The following CLCF1 variants were observed in gnomAD, a reference collection of about 807,000 sequenced individuals.
CLCF1 encodes the protein cardiotrophin-like cytokine factor 1.
Under a neutral mutation model 21.2 loss-of-function variants are expected in CLCF1, and 10 were observed. The ratio of observed to expected loss-of-function variants is 0.47; its 90% CI spans 0.29 to 0.80. The LOEUF (loss-of-function observed/expected upper bound fraction) is 0.80, where lower values mean the gene tolerates loss of function less well. CLCF1 is among the 30% of genes least tolerant of loss of function. The pLI is 0.09. For synonymous variants in CLCF1, 115 were observed against 120.5 expected (o/e 0.95, Z 0.30); for missense variants, 240 against 293.4 (o/e 0.82, Z 1.33).
chr11:67,366,853 C>T (rs1303724907), intron 2 of CLCF1, among the ~76,000 whole-genome samples: 1 of 152,098 alleles, frequency 6.6e-6, no homozygotes, highest in Non-Finnish European at 1.5e-5. Flanking sequence ...GCTCCTCCAA[C>T]CCTCCTTCCT....
At chr11:67,371,122 C>T in intron 1 of CLCF1, 1 of 978,866 alleles carries the variant, frequency 1.0e-6, no homozygotes, top group Non-Finnish European at 1.2e-6. Context: ...TAGGAAACTG[C>T]CCCAGGGGCG....
rs750922975 is a variant in CLCF1, at chr11:67,365,273, T to G, written c.541A>C (p.Lys181Gln). The change falls in exon 3 of 3, where the codon AAG becomes CAG. Residue 181 changes from lysine (K) to glutamine (Q), a missense_variant. Lys to Gln is a moderately conservative substitution (Grantham distance 53, BLOSUM62 1). Transcript: ENST00000312438. This position sits in a 1 kb window ranked among gnomAD's most constrained non-coding sequence, Gnocchi z 5.0. ...PGPAHSDFLQ[K>Q]MDDFWLLKEL... Reference sequence around the variant, plus strand: ...TTCAGCAGCCAGAAGTCGTCCATCTTCTGGAGGAAGTCACTGTGGGCAGGG... The same window carrying G: ...TTCAGCAGCCAGAAGTCGTCCATCTGCTGGAGGAAGTCACTGTGGGCAGGG... The G allele has an allele frequency of 3.1e-6, 5 of 1,613,938 alleles. No homozygotes were observed. Among genetic ancestry groups the G allele is most frequent in the Non-Finnish European group, 3.4e-6 (4 of 1,180,026 alleles).
intron 1 of CLCF1, chr11:67,370,804 C>T: frequency 1.0e-6 from 1 of 985,350 alleles, no homozygotes; most frequent in Non-Finnish European, 1.2e-6. Context: ...TGCAGATGTG[C>T]CAGGGTGCTT....
At position 67,365,770 on chromosome 11, in the gene CLCF1, G is replaced by A; in HGVS notation, c.184-140C>T. On this transcript the variant is annotated intron_variant, in intron 2 of 2. Coordinates refer to ENST00000312438, the MANE Select transcript of CLCF1 (RefSeq NM_013246.3). This position sits in a 1 kb window ranked among gnomAD's most constrained non-coding sequence, Gnocchi z 5.0. The stretch of plus-strand genomic sequence containing the variant: ...CTCCATGCTAGGCTTCTTTGTTCAT[G>A]GCCTCCCTGAGTTTTTCCAATAAGG... The A allele has an allele frequency of 1.5e-6, 2 of 1,302,406 alleles. No individual in the cohort carries two copies. Among genetic ancestry groups the A allele is most frequent in the Non-Finnish European group, 2.1e-6 (2 of 969,686 alleles). The allele number at this position is 1,302,406 out of a possible 1,614,324, so 80.7% of individuals were successfully genotyped here.
chr11:67,370,589 A>G, intron 1 of CLCF1: 17 of 965,932 alleles, frequency 1.8e-5, no homozygotes, highest in Non-Finnish European at 2.1e-5. Flanking sequence ...CCTGGGCCCT[A>G]GGAACCAAGG....
At chr11:67,366,425 C>T (rs2134876922) in intron 2 of CLCF1, among the ~76,000 whole-genome samples, 1 of 152,272 alleles carries the variant, frequency 6.6e-6, no homozygotes, top group East Asian at 1.9e-4. Flanking sequence ...GAGACGGGTA[C>T]TCACTAACAC....
intron 1 of CLCF1, chr11:67,369,460 T>G: frequency 1.3e-5 from 13 of 985,308 alleles, no homozygotes; most frequent in Non-Finnish European, 1.6e-5. Context: ...TTCCTCACTC[T>G]TCCTTTCTAT....
In CLCF1 at chr11:67,372,843, C is replaced by T. The variant is rs1262572449; in HGVS notation, c.16+681G>A. Among the ~76,000 whole-genome samples, 2 of 149,866 alleles carry T rather than the reference C, an allele frequency of 1.3e-5. No homozygotes were observed. Among genetic ancestry groups the T allele is most frequent in the Non-Finnish European group, 3.0e-5 (2 of 66,914 alleles). On this transcript the variant is annotated intron_variant, in intron 1 of 2. Transcript: ENST00000312438. This position sits in a 1 kb window ranked among gnomAD's most constrained non-coding sequence, Gnocchi z 5.9. ...AGGCCACGGTGGCCCGGGGGACTCG[C>T]GGCCGCCGCCCGCCGCCCCTACCTG...
intron 1 of CLCF1, chr11:67,370,714 C>T: frequency 1.0e-6 from 1 of 985,430 alleles, no homozygotes; most frequent in Non-Finnish European, 1.2e-6. Flanking sequence ...TGTCTTTAGC[C>T]ACTTTAGCCA....
chr11:67,370,690 C>T (rs2134895032), intron 1 of CLCF1: 2 of 985,434 alleles, frequency 2.0e-6, no homozygotes, highest in East Asian at 2.3e-4. Context: ...CAGGCAGGCG[C>T]ACCCGTGAGC....
intron 1 of CLCF1, chr11:67,370,757 A>C: frequency 1.0e-6 from 1 of 985,414 alleles, no homozygotes; most frequent in Non-Finnish European, 1.2e-6. Flanking sequence ...GGACACCCCC[A>C]GGCTGACCTT....
In CLCF1 at chr11:67,367,605, G is replaced by A. The variant is rs369213496; in HGVS notation, c.38C>T (p.Ala13Val). The change falls in exon 2 of 3, where the codon GCG (alanine) becomes GTG (valine). Residue 13 changes from alanine (A) to valine (V), a missense_variant. Physicochemically the swap from Ala to Val is moderately conservative, Grantham distance 64. Transcript: ENST00000312438. ...GTGCCAGAGCACCGTGCACAGGCAC[G>A]CTAACATCCCCCACGAGTCCCCTGT... ...LRAGDSWGMLACLCTVLWHLP... is the reference protein window; with the variant it reads ...LRAGDSWGMLVCLCTVLWHLP... 23 of 1,613,532 alleles carry A rather than the reference G, an allele frequency of 1.4e-5. No individual in the cohort carries two copies. The highest frequency in any genetic ancestry group is 2.7e-5 in the African/African-American group (2 of 74,900).
At position 67,364,882 on chromosome 11, in the gene CLCF1, T is replaced by G. The variant is rs1307345822; in HGVS notation, c.*254A>C. The G allele has an allele frequency of 1.8e-6, 1 of 567,174 alleles. No individual in the cohort carries two copies. The highest frequency in any genetic ancestry group is 3.0e-6 in the Non-Finnish European group (1 of 328,424). The allele number at this position is 567,174 out of a possible 1,614,324, so 35.1% of individuals were successfully genotyped here. On this transcript the variant is annotated 3_prime_UTR_variant, in exon 3 of 3. Coordinates refer to ENST00000312438, the MANE Select transcript of CLCF1 (RefSeq NM_013246.3). The stretch of plus-strand genomic sequence containing the variant: ...CGCCTCTGCACCAACCTGAACCACT[T>G]CACACTCCCTCGAGCATGACTTCCT...
At chr11:67,369,963 G>A in intron 1 of CLCF1, 9 of 985,342 alleles carry the variant, frequency 9.1e-6, no homozygotes, top group Non-Finnish European at 1.1e-5. Context: ...GACGAGGCCG[G>A]TGTTTCCAGG....
chr11:67,365,582 G>A lies in CLCF1; in HGVS notation c.232C>T (p.Arg78Cys), dbSNP rs567374288. The change falls in exon 3 of 3, where the codon CGC (arginine) becomes TGC (cysteine). Residue 78 changes from arginine to cysteine, a missense_variant. Arg to Cys is a radical substitution (Grantham distance 180). Transcript: ENST00000312438. This position sits in a 1 kb window ranked among gnomAD's most constrained non-coding sequence, Gnocchi z 5.0. The stretch of plus-strand genomic sequence containing the variant: ...CTGGGCAGAGTCTCTGCCCCCAGGC[G>A]GGGAGGGTTGAAGTCTGGCTCGTTG... Reference protein sequence around the residue: ...PFNEPDFNPPRLGAETLPRAT... With the variant: ...PFNEPDFNPPCLGAETLPRAT... 27 of 1,613,802 alleles carry A rather than the reference G, an allele frequency of 1.7e-5. No individual in the cohort carries two copies. The highest frequency in any genetic ancestry group is 1.6e-4 in the South Asian group (15 of 91,080).
At chr11:67,369,376 C>G (rs2134889370) in intron 1 of CLCF1, 1 of 985,392 alleles carries the variant, frequency 1.0e-6, no homozygotes, top group Non-Finnish European at 1.2e-6. Context: ...GTCAGGCACT[C>G]AACTGCTCCC....
At position 67,365,565 on chromosome 11, in the gene CLCF1, A is replaced by T. The variant is rs772337610; in HGVS notation, c.249T>A (p.Thr83=). The stretch of plus-strand genomic sequence containing the variant: ...CCAAGTCAACAGTGGCCCTGGGCAG[A>T]GTCTCTGCCCCCAGGCGGGGAGGGT... The part of the protein sequence containing the change: ...DFNPPRLGAE[T]LPRATVDLEV... The change falls in exon 3 of 3, where the codon ACT becomes ACA. Residue 83 remains threonine (T), a synonymous_variant. Transcript: ENST00000312438. This position sits in a 1 kb window ranked among gnomAD's most constrained non-coding sequence, Gnocchi z 5.0. 1 of 1,613,896 alleles carries T rather than the reference A, an allele frequency of 6.2e-7. No individual in the cohort carries two copies. The highest frequency in any genetic ancestry group is 8.5e-7 in the Non-Finnish European group (1 of 1,179,810).
chr11:67,371,644 G>T (rs1862236526), intron 1 of CLCF1, among the ~76,000 whole-genome samples: 1 of 152,206 alleles, frequency 6.6e-6, no homozygotes, highest in Non-Finnish European at 1.5e-5. Flanking sequence ...AGCCAGGGGG[G>T]AGCCCAGCAG....
At chr11:67,368,445 C>T (rs989814987) in intron 1 of CLCF1, 5 of 985,252 alleles carry the variant, frequency 5.1e-6, no homozygotes, top group South Asian at 9.4e-5. Flanking sequence ...TGGCTGATGG[C>T]ACTGCAGAGT....
Sources: allele counts gnomAD v4.1 joint callset (sites outside exome capture counted in the v4.1 genomes callset), GRCh38; gene constraint gnomAD v4.1.1; non-coding constraint Gnocchi (gnomAD v3.1); transcripts MANE v1.5; gene names NCBI Gene and HGNC (gene_info 2026-07-23, HGNC 2026-07-21).